Variants in VSNL1 observed in about 807,000 individuals in gnomAD.
VSNL1 encodes visinin-like protein 1.
In VSNL1, 6 loss-of-function variants were observed where a neutral mutation model predicts 20.4. The ratio of observed to expected loss-of-function variants is 0.29; its 90% CI spans 0.16 to 0.58. The LOEUF (loss-of-function observed/expected upper bound fraction) is 0.58. VSNL1 is among the 20% of genes least tolerant of loss of function. VSNL1 has a pLI of 0.90. For missense variants in VSNL1, 100 were observed against 234.5 expected (o/e 0.43, Z 3.75); for synonymous variants, 93 against 86.4 (o/e 1.08, Z -0.42).
chr2:17,572,384 G>A (rs559962351), intron 1 of VSNL1, among the ~76,000 whole-genome samples: 1 of 152,244 alleles, frequency 6.6e-6, no homozygotes, highest in African/African-American at 2.4e-5. Context: ...ATAAGACCCG[G>A]TTTTCCACAG....
intron 2 of VSNL1, among the ~76,000 whole-genome samples, chr2:17,615,795 C>A (rs141441339): frequency 5.9e-5 from 9 of 152,306 alleles, no homozygotes; most frequent in African/African-American, 2.2e-4. Context: ...CTGCATCAGT[C>A]CTTTTTAATC....
At chr2:17,584,339 A>G (rs972762417) in intron 1 of VSNL1, among the ~76,000 whole-genome samples, 3 of 152,158 alleles carry the variant, frequency 2.0e-5, no homozygotes, top group African/African-American at 7.2e-5. Flanking sequence ...GGTCTAAGTC[A>G]TGTTTCCCAG....
intron 1 of VSNL1, among the ~76,000 whole-genome samples, chr2:17,580,880 T>C (rs1003996069): frequency 6.6e-6 from 1 of 152,224 alleles, no homozygotes; most frequent in East Asian, 1.9e-4. Context: ...TGCTTATAAA[T>C]GTTATATGCT....
chr2:17,618,151 G>A (rs1293864110), intron 2 of VSNL1, among the ~76,000 whole-genome samples: 3 of 152,190 alleles, frequency 2.0e-5, no homozygotes, highest in Admixed American at 6.5e-5. Context: ...GTCACCTGGT[G>A]TATCAGTTTC....
chr2:17,567,238 A>T (rs1286012068), intron 1 of VSNL1: 2 of 152,056 alleles, frequency 1.3e-5, no homozygotes, highest in Non-Finnish European at 2.9e-5. Context: ...TCAAATTTTT[A>T]AAAATAAAGT....
intron 1 of VSNL1, among the ~76,000 whole-genome samples, chr2:17,587,889 G>A (rs12478492): frequency 0.25 from 37,656 of 152,056 alleles, 5,067 homozygotes; most frequent in Non-Finnish European, 0.31. Context: ...ATGGGTCAAT[G>A]TTGTTGCACA....
rs1262159357 is a variant in VSNL1, at chr2:17,645,109, A to AATCC, written c.163-4301_163-4300insATCC. ...AGCCCTATTTCCTATCAAGAGCTCT[A>AATCC]TTTCCAGCAGACTAATGGGCAGAAA... is the stretch of plus-strand genomic sequence containing the variant. On this transcript the variant is annotated intron_variant, in intron 2 of 3. Coordinates refer to ENST00000295156, the MANE Select transcript of VSNL1 (RefSeq NM_003385.5). Among the ~76,000 whole-genome samples the AATCC allele has an allele frequency of 3.6e-4, 55 of 152,364 alleles. 1 individual carries two copies. The East Asian group carries it at 9.3e-3, about 26-fold the overall frequency.
At chr2:17,596,752 G>A (rs1347026556) in intron 2 of VSNL1, among the ~76,000 whole-genome samples, 1 of 151,932 alleles carries the variant, frequency 6.6e-6, no homozygotes, top group East Asian at 1.9e-4. Context: ...TAAAAAAAAT[G>A]GGATTTGGAA....
intron 1 of VSNL1, among the ~76,000 whole-genome samples, chr2:17,586,938 A>G (rs905011413): frequency 1.3e-5 from 2 of 152,162 alleles, no homozygotes; most frequent in Admixed American, 1.3e-4. Flanking sequence ...CAATTGTTTC[A>G]GGATATGAGT....
At chr2:17,624,011 A>G (rs1039423917) in intron 2 of VSNL1, among the ~76,000 whole-genome samples, 2 of 152,132 alleles carry the variant, frequency 1.3e-5, no homozygotes, top group Admixed American at 6.5e-5. Context: ...AACGTGCCAC[A>G]GGCCAAATTC....
chr2:17,556,359 G>A (rs759341876), intron 1 of VSNL1, among the ~76,000 whole-genome samples: 2 of 152,112 alleles, frequency 1.3e-5, no homozygotes, highest in Non-Finnish European at 2.9e-5. Flanking sequence ...TATTAAATAT[G>A]CCAGTTCATC....
intron 2 of VSNL1, among the ~76,000 whole-genome samples, chr2:17,597,412 AC>A (rs1373880363): frequency 6.6e-6 from 1 of 152,086 alleles, no homozygotes; most frequent in Admixed American, 6.5e-5. Context: ...GCCACTGAGT[AC>A]CCAAGGGTTG....
chr2:17,564,748 G>A (rs1348155999), intron 1 of VSNL1, among the ~76,000 whole-genome samples: 1 of 152,186 alleles, frequency 6.6e-6, no homozygotes, highest in East Asian at 1.9e-4. Context: ...TGATGAGCAA[G>A]ACAGACTCCC....
In VSNL1 at chr2:17,554,955, T is replaced by C. The variant is rs373590972; in HGVS notation, c.-6+14037T>C. 2.0e-5 allele frequency among the ~76,000 whole-genome samples: 3 copies of C among 152,322 alleles called. No individual in the cohort carries two copies. In the East Asian group the frequency reaches 5.8e-4, roughly 29 times the overall value. On this transcript the variant is annotated intron_variant, in intron 1 of 3. Transcript: ENST00000295156. ...AAATGTATATTTTAAATACTTGGAT[T>C]ACACTCCATCGTATATATGAACAAG...
At chr2:17,547,751 A>G (rs1037451805) in intron 1 of VSNL1, among the ~76,000 whole-genome samples, 5 of 152,152 alleles carry the variant, frequency 3.3e-5, no homozygotes, top group African/African-American at 1.2e-4. Flanking sequence ...TCACCCTACT[A>G]TATAATGCCA....
chr2:17,566,054 CT>C lies in VSNL1; in HGVS notation c.-6+25144del, dbSNP rs895641762. 1.7e-3 allele frequency among the ~76,000 whole-genome samples: 253 copies of C among 152,072 alleles called. 8 individuals carry two copies. The highest frequency in any genetic ancestry group is 1.3e-3 in the East Asian group (7 of 5,192). On this transcript the variant is annotated intron_variant, in intron 1 of 3. Coordinates refer to ENST00000295156, the MANE Select transcript of VSNL1 (RefSeq NM_003385.5). ...GCTGAACTGTGAGTCAAATAAACCT[CT>C]TTTTTTTAATAAATTATCCAGTCCC...
At chr2:17,635,285 C>T (rs1431091181) in intron 2 of VSNL1, among the ~76,000 whole-genome samples, 1 of 152,152 alleles carries the variant, frequency 6.6e-6, no homozygotes, top group Non-Finnish European at 1.5e-5. Context: ...AATGGTGCTC[C>T]AGAAAATAGA....
chr2:17,651,405 A>G (rs940107446), intron 3 of VSNL1, among the ~76,000 whole-genome samples: 1 of 152,200 alleles, frequency 6.6e-6, no homozygotes, highest in Non-Finnish European at 1.5e-5. Flanking sequence ...GAGTGGGGAC[A>G]CTTCTATGAT....
chr2:17,589,773 G>A (rs936666208), intron 1 of VSNL1, among the ~76,000 whole-genome samples: 1 of 152,174 alleles, frequency 6.6e-6, no homozygotes, highest in Non-Finnish European at 1.5e-5. Flanking sequence ...AAGCTGATAC[G>A]TTGTTGAACT....
Sources: allele counts gnomAD v4.1 joint callset (sites outside exome capture counted in the v4.1 genomes callset), GRCh38; gene constraint gnomAD v4.1.1; transcripts MANE v1.5; gene names NCBI Gene and HGNC (gene_info 2026-07-23, HGNC 2026-07-21).